Variants in LYRM7 observed in about 807,000 individuals in gnomAD.
LYRM7 encodes the protein complex III assembly factor LYRM7.
A neutral mutation model predicts 15.8 loss-of-function variants in LYRM7; 9 were observed. The ratio of observed to expected loss-of-function variants is 0.57; its 90% CI spans 0.34 to 0.99. The LOEUF (loss-of-function observed/expected upper bound fraction) is 0.99, where lower values mean the gene tolerates loss of function less well. LYRM7 is among the 50% of genes least tolerant of loss of function. The probability of loss-of-function intolerance (pLI) is 0.02; values close to 1 mark genes in which losing one functional copy is unlikely to be tolerated. For synonymous variants in LYRM7, 39 were observed against 39.4 expected (o/e 0.99, Z 0.04); for missense variants, 115 against 119.1 (o/e 0.97, Z 0.16).
chr5:131,198,615 T>G (rs1050517396), intron 4 of LYRM7, among the ~76,000 whole-genome samples: 35 of 151,716 alleles, frequency 2.3e-4, no homozygotes, highest in African/African-American at 8.2e-4. Flanking sequence ...CAGGCTGGAG[T>G]GCAGTGGCAC....
At chr5:131,190,074 C>A (rs1209325980) in intron 4 of LYRM7, among the ~76,000 whole-genome samples, 1 of 148,514 alleles carries the variant, frequency 6.7e-6, no homozygotes, top group South Asian at 2.1e-4. Context: ...GCGGATATTG[C>A]AATGACCCGA....
intron 1 of LYRM7, among the ~76,000 whole-genome samples, chr5:131,177,269 G>C (rs1362409769): frequency 6.6e-6 from 1 of 152,034 alleles, no homozygotes; most frequent in Non-Finnish European, 1.5e-5. Context: ...TTTCTAGTCT[G>C]GCTGCACAAA....
intron 3 of LYRM7, 40 bp downstream of exon 3, chr5:131,182,339 T>C: frequency 1.5e-6 from 2 of 1,311,082 alleles, no homozygotes; most frequent in South Asian, 1.4e-5. Flanking sequence ...CTTATACAAT[T>C]ATCTTGTCAA....
chr5:131,182,326 A>T, intron 3 of LYRM7, 27 bp downstream of exon 3: 8 of 1,340,180 alleles, frequency 6.0e-6, no homozygotes, highest in Non-Finnish European at 8.0e-6. Context: ...AATTATAGTA[A>T]AACTTATACA....
chr5:131,195,479 C>T (rs1755949437), intron 4 of LYRM7, among the ~76,000 whole-genome samples: 1 of 152,054 alleles, frequency 6.6e-6, no homozygotes, highest in African/African-American at 2.4e-5. Flanking sequence ...AAACTAAAGC[C>T]AGTACAAGCA....
At chr5:131,198,568 A>ATT (rs111644184) in intron 4 of LYRM7, among the ~76,000 whole-genome samples, 2 of 147,702 alleles carry the variant, frequency 1.4e-5, no homozygotes, top group African/African-American at 5.0e-5. Flanking sequence ...AAAATTTGGA[A>ATT]TTTTTTTTTT....
At chr5:131,196,656 C>T (rs1044636999) in intron 4 of LYRM7, among the ~76,000 whole-genome samples, 3 of 151,586 alleles carry the variant, frequency 2.0e-5, no homozygotes, top group African/African-American at 7.3e-5. Flanking sequence ...CCAGAACTGC[C>T]TTAATCTGTA....
At position 131,192,036 on chromosome 5, in the gene LYRM7, C is replaced by T. The variant is rs972260507; in HGVS notation, c.244+4927C>T. On this transcript the variant is annotated intron_variant, in intron 4 of 4. Coordinates refer to ENST00000379380, the MANE Select transcript of LYRM7 (RefSeq NM_181705.4). ...GATTAAAAAAAATGTGGTGCATACA[C>T]ACACACACACACACACACACACACA... Among the ~76,000 whole-genome samples the T allele has an allele frequency of 0.014, 738 of 53,794 alleles. 10 individuals are homozygous for T. In the African/African-American group the frequency reaches 0.18, roughly 13 times the overall value. 35.3% of individuals were successfully genotyped at this position (53,794 alleles called of 152,430 possible).
intron 3 of LYRM7, among the ~76,000 whole-genome samples, chr5:131,185,703 G>C (rs1304454855): frequency 6.6e-6 from 1 of 152,184 alleles, no homozygotes; most frequent in Non-Finnish European, 1.5e-5. Context: ...TGAAGTGGGA[G>C]GGTCACTTGA....
Position 131,204,543 on chromosome 5 carries a change from A to C in LYRM7, c.*4942A>C, listed in dbSNP as rs1270493054. 6.6e-6 allele frequency: 1 copy of C among 150,980 alleles called. No homozygotes were observed. Among genetic ancestry groups the C allele is most frequent in the Non-Finnish European group, 1.5e-5 (1 of 67,852 alleles). 9.4% of individuals were successfully genotyped at this position (150,980 alleles called of 1,614,324 possible). A position where few individuals can be genotyped will look rare whatever the true frequency, so the allele number is the denominator to read the frequency against. ...TGGGTATCCCTAATCCAGAAATTCA[A>C]ATGCTCCAAAGTCCAAAACTTTCTG... On this transcript the variant is annotated 3_prime_UTR_variant, in exon 5 of 5. Transcript: ENST00000379380.
intron 4 of LYRM7, among the ~76,000 whole-genome samples, chr5:131,189,214 C>T (rs556801592): frequency 4.6e-5 from 7 of 151,078 alleles, no homozygotes; most frequent in Admixed American, 2.0e-4. Flanking sequence ...GAGGCCGAGG[C>T]GGGCGGATCA....
chr5:131,177,634 G>A lies in LYRM7; in HGVS notation c.19-2461G>A, dbSNP rs537424226. Among the ~76,000 whole-genome samples the A allele has an allele frequency of 2.6e-5, 4 of 152,240 alleles. No homozygotes were observed. The South Asian group carries it at 8.3e-4, about 32-fold the overall frequency. On this transcript the variant is annotated intron_variant, in intron 1 of 4. Transcript: ENST00000379380. ...TACATGTGAAATGTTGATTCTCTGA[G>A]ATTGTTCTCATTATCAGCATTGCAC...
chr5:131,198,733 ATT>A (rs564975657), intron 4 of LYRM7, among the ~76,000 whole-genome samples: 70 of 134,694 alleles, frequency 5.2e-4, no homozygotes, highest in African/African-American at 1.8e-3. Context: ...CACCCAGCTG[ATT>A]TTTTTTTTTT....
In LYRM7 at chr5:131,203,151, C is replaced by T. The variant is rs576838247; in HGVS notation, c.*3550C>T. 2 of 152,282 alleles carry T rather than the reference C, an allele frequency of 1.3e-5. No individual in the cohort carries two copies. Among genetic ancestry groups the T allele is most frequent in the African/African-American group, 4.8e-5 (2 of 41,430 alleles). 9.4% of individuals were successfully genotyped at this position (152,282 alleles called of 1,614,324 possible). A position where few individuals can be genotyped will look rare whatever the true frequency, so the allele number is the denominator to read the frequency against. ...ATAGGTCAACAAAGAAATGAAGATT[C>T]CAGTTCTGAAGGTGAGTTTTCTGAA... On this transcript the variant is annotated 3_prime_UTR_variant, in exon 5 of 5. Transcript: ENST00000379380.
At position 131,203,531 on chromosome 5, in the gene LYRM7, T is replaced by C. The variant is rs2149668603; in HGVS notation, c.*3930T>C. ...CAACATGGAGAAACCCCGTCTCTAC[T>C]AAAAATACAAAATTAGCCAGGCGTG... On this transcript the variant is annotated 3_prime_UTR_variant, in exon 5 of 5. Transcript: ENST00000379380. 1 of 152,270 alleles carries C rather than the reference T, an allele frequency of 6.6e-6. No individual in the cohort carries two copies. The highest frequency in any genetic ancestry group is 6.5e-5 in the Admixed American group (1 of 15,286). 9.4% of individuals were successfully genotyped at this position (152,270 alleles called of 1,614,324 possible). A position where few individuals can be genotyped will look rare whatever the true frequency, so the allele number is the denominator to read the frequency against.
chr5:131,181,302 A>AAAAATATATATATATATAT (rs1554089865), intron 2 of LYRM7, among the ~76,000 whole-genome samples: 3 of 8,770 alleles, frequency 3.4e-4, no homozygotes, highest in Non-Finnish European at 6.7e-4. Flanking sequence ...AAAAAAAAAA[A>AAAAATATATATATATATAT]ATATATATAT....
At chr5:131,189,085 G>T (rs943973908) in intron 4 of LYRM7, among the ~76,000 whole-genome samples, 1 of 151,852 alleles carries the variant, frequency 6.6e-6, no homozygotes, top group South Asian at 2.1e-4. Context: ...GGCAGAGGCT[G>T]CAGTGAGCCA....
intron 2 of LYRM7, among the ~76,000 whole-genome samples, chr5:131,181,397 T>TG: frequency 1.0e-5 from 1 of 99,386 alleles, no homozygotes; most frequent in Non-Finnish European, 1.7e-5. Flanking sequence ...TACATATATA[T>TG]TATATATACA....
intron 2 of LYRM7, among the ~76,000 whole-genome samples, chr5:131,180,961 A>G (rs1755681384): frequency 6.6e-6 from 1 of 151,974 alleles, no homozygotes; most frequent in South Asian, 2.1e-4. Context: ...GTCTGATTCA[A>G]AAGTCCAAAC....
Sources: gnomAD v4.1 joint callset for allele counts (sites outside exome capture counted in the v4.1 genomes callset) on GRCh38, gnomAD v4.1.1 for gene constraint, MANE v1.5 for transcripts, NCBI Gene and HGNC (gene_info 2026-07-23, HGNC 2026-07-21) for gene names.